Variants in KAZN observed in about 807,000 individuals in gnomAD.
KAZN encodes the protein kazrin, periplakin interacting protein.
Under a neutral mutation model 87.4 loss-of-function variants are expected in KAZN, and 40 were observed. That is an observed-to-expected ratio of 0.46 (90% confidence interval 0.36 to 0.60). The LOEUF is 0.60. Among genes scored for constraint, KAZN ranks in the 20% least tolerant of loss-of-function variants. The probability of loss-of-function intolerance (pLI) is 0.00; values close to 1 mark genes in which losing one functional copy is unlikely to be tolerated. For missense variants in KAZN, 898 were observed against 1,073.9 expected, an observed-to-expected ratio of 0.84 and a Z score of 2.29; for synonymous variants, 466 against 458.3, an observed-to-expected ratio of 1.02 and a Z score of -0.22.
At chr1:14,552,234 C>T (rs748418065) in intron 2 of KAZN, among the ~76,000 whole-genome samples, 1 of 152,206 alleles carries the variant, frequency 6.6e-6, no homozygotes, top group African/African-American at 2.4e-5. Flanking sequence ...CCTCCTGCCC[C>T]CTATTAATGT....
intron 2 of KAZN, among the ~76,000 whole-genome samples, chr1:14,209,712 G>A (rs1489658078): frequency 6.6e-6 from 1 of 152,172 alleles, no homozygotes; most frequent in Non-Finnish European, 1.5e-5. Flanking sequence ...AACAGTTCAT[G>A]TATTTATAAC....
At chr1:14,527,410 G>T (rs567826164) in intron 2 of KAZN, among the ~76,000 whole-genome samples, 1 of 152,066 alleles carries the variant, frequency 6.6e-6, no homozygotes, top group Non-Finnish European at 1.5e-5. Flanking sequence ...TTAGCCAGGC[G>T]TGGTGGCGGG....
chr1:14,873,836 T>C (rs1652452466), intron 1 of KAZN, among the ~76,000 whole-genome samples: 1 of 152,102 alleles, frequency 6.6e-6, no homozygotes, highest in African/African-American at 2.4e-5. Flanking sequence ...AGTGGCGAGA[T>C]TCAGTATCTA....
At chr1:14,741,844 T>G (rs969742895) in intron 1 of KAZN, among the ~76,000 whole-genome samples, 4 of 152,224 alleles carry the variant, frequency 2.6e-5, no homozygotes, top group Non-Finnish European at 4.4e-5. Flanking sequence ...GAGAAACTGA[T>G]GAGGGGCCCT....
At chr1:14,557,965 C>T (rs1248379549) in intron 2 of KAZN, among the ~76,000 whole-genome samples, 1 of 152,132 alleles carries the variant, frequency 6.6e-6, no homozygotes, top group Non-Finnish European at 1.5e-5. Flanking sequence ...CCCCAAACAC[C>T]TTTGCAGATT....
At chr1:14,836,428 G>T (rs1349328740) in intron 1 of KAZN, among the ~76,000 whole-genome samples, 1 of 152,200 alleles carries the variant, frequency 6.6e-6, no homozygotes, top group Admixed American at 6.5e-5. Context: ...GCTTCTGAGG[G>T]TTTTGTTGCG....
At position 14,548,442 on chromosome 1, in the gene KAZN, G is replaced by A. The variant is rs528058850; in HGVS notation, c.250-50541G>A. 2.1e-3 allele frequency among the ~76,000 whole-genome samples: 317 copies of A among 152,116 alleles called. 2 individuals carry two copies. Among genetic ancestry groups the A allele is most frequent in the Non-Finnish European group, 4.0e-3 (269 of 67,998 alleles). ...TCGAACCCCTGACATCAGGTGATCC[G>A]CCCACCTCTGCCTCCAAAAGTGCTG... On this transcript the variant is annotated intron_variant, in intron 2 of 16. Transcript: ENST00000636203.
At position 14,923,086 on chromosome 1, in the gene KAZN, C is replaced by A. The variant is rs1461136412; in HGVS notation, c.227-37598C>A. Reference sequence around the variant, plus strand: ...GACCTAGAAATTTGCACATCTCAGGCCTGGGCCAGTGGGAGCCTCAGATTA... The same window carrying A: ...GACCTAGAAATTTGCACATCTCAGGACTGGGCCAGTGGGAGCCTCAGATTA... On this transcript the variant is annotated intron_variant, in intron 1 of 14. Transcript: ENST00000376030. This position sits in a 1 kb window ranked among gnomAD's most constrained non-coding sequence, Gnocchi z 4.2. Among the ~76,000 whole-genome samples, 1 of 152,196 alleles carries A rather than the reference C, an allele frequency of 6.6e-6. No homozygotes were observed. Among genetic ancestry groups the A allele is most frequent in the African/African-American group, 2.4e-5 (1 of 41,442 alleles).
rs1036391756 is a variant in KAZN at position 14,735,694 on chromosome 1, G to A, written c.226+136471G>A. Among the ~76,000 whole-genome samples the A allele has an allele frequency of 1.3e-5, 2 of 152,164 alleles. No homozygotes were observed. Among genetic ancestry groups the A allele is most frequent in the African/African-American group, 4.8e-5 (2 of 41,450 alleles). ...ACCGGCCAGTTTCCATTACTCTCCC[G>A]ACCTGTTCCAGATTTCCAAAGCGGC... On this transcript the variant is annotated intron_variant, in intron 1 of 14. Transcript: ENST00000376030. The surrounding 1 kb of genome is among the most constrained non-coding windows in gnomAD (Gnocchi z 4.3).
At chr1:14,685,595 G>A (rs141910208) in intron 1 of KAZN, among the ~76,000 whole-genome samples, 34 of 152,318 alleles carry the variant, frequency 2.2e-4, no homozygotes, top group African/African-American at 7.2e-4. Context: ...CAGTCAAATC[G>A]TTCGCCTGCT....
At chr1:14,011,162 G>A (rs1640286023) in intron 1 of KAZN, among the ~76,000 whole-genome samples, 1 of 152,190 alleles carries the variant, frequency 6.6e-6, no homozygotes, top group Admixed American at 6.5e-5. Flanking sequence ...GGTGTCCCAG[G>A]ATGGAATCGA....
chr1:15,020,707 C>A (rs1319831967), intron 2 of KAZN, among the ~76,000 whole-genome samples: 2 of 152,160 alleles, frequency 1.3e-5, no homozygotes, highest in Non-Finnish European at 2.9e-5. Context: ...TAGTTTGGAG[C>A]TTTTACAAAT....
intron 1 of KAZN, among the ~76,000 whole-genome samples, chr1:13,994,807 C>T (rs1639433675): frequency 6.6e-6 from 1 of 152,082 alleles, no homozygotes; most frequent in Non-Finnish European, 1.5e-5. Context: ...GCTGTAAGAT[C>T]CTTCCAAGGC....
intron 8 of KAZN, chr1:15,067,585 A>G: frequency 1.0e-6 from 1 of 985,470 alleles, no homozygotes; most frequent in African/African-American, 1.7e-5. Flanking sequence ...TGACATTTTC[A>G]GCTCTTAAAA....
intron 2 of KAZN, among the ~76,000 whole-genome samples, chr1:14,371,507 G>A (rs1660480930): frequency 6.6e-6 from 1 of 152,148 alleles, no homozygotes; most frequent in Non-Finnish European, 1.5e-5. Flanking sequence ...GGGCTAAATT[G>A]GAAAAGGGTG....
intron 1 of KAZN, among the ~76,000 whole-genome samples, chr1:14,926,979 A>G (rs933765087): frequency 3.3e-5 from 5 of 152,154 alleles, no homozygotes; most frequent in African/African-American, 4.8e-5. Context: ...ATGTCCTGAG[A>G]TCGGCAGGTG....
At chr1:14,976,520 A>G (rs189485544) in intron 2 of KAZN, among the ~76,000 whole-genome samples, 7 of 152,326 alleles carry the variant, frequency 4.6e-5, no homozygotes, top group Non-Finnish European at 8.8e-5. Context: ...GGCAGAGCAC[A>G]TTGCCCGAGG....
intron 2 of KAZN, among the ~76,000 whole-genome samples, chr1:14,406,470 T>C (rs889854562): frequency 6.6e-6 from 1 of 152,018 alleles, no homozygotes; most frequent in South Asian, 2.1e-4. Flanking sequence ...TGTTCTCACT[T>C]ATAAGTGGGA....
At chr1:13,919,720 C>A (rs955088726) in intron 1 of KAZN, among the ~76,000 whole-genome samples, 1 of 152,148 alleles carries the variant, frequency 6.6e-6, no homozygotes, top group Non-Finnish European at 1.5e-5. Flanking sequence ...ATATAGTGTG[C>A]ATGCCAGTCT....
Sources: gnomAD v4.1 joint callset for allele counts (sites outside exome capture counted in the v4.1 genomes callset) on GRCh38, gnomAD v4.1.1 for gene constraint, Gnocchi (gnomAD v3.1) non-coding constraint, MANE v1.5 for transcripts, NCBI Gene and HGNC (gene_info 2026-07-23, HGNC 2026-07-21) for gene names.